RBFOX1: variants seen among roughly 807,000 people sequenced by gnomAD.
RBFOX1 encodes RNA binding fox-1 homolog 1.
A neutral mutation model predicts 57.7 loss-of-function variants in RBFOX1; 8 were observed. That is an observed-to-expected ratio of 0.14 (90% CI 0.08 to 0.25). The LOEUF (loss-of-function observed/expected upper bound fraction) is 0.25, where lower values mean the gene tolerates loss of function less well. Ranked by LOEUF, RBFOX1 falls within the 10% of genes least tolerant of loss-of-function variation. The pLI is 1.00. For missense variants in RBFOX1, 611 were observed against 548.5 expected, an observed-to-expected ratio of 1.11 and a Z score of -1.14; for synonymous variants, 326 against 222.4, an observed-to-expected ratio of 1.47 and a Z score of -4.15.
chr16:6,220,721 C>G lies in RBFOX1; in HGVS notation c.-126-96274C>G, dbSNP rs1009306673. Among the ~76,000 whole-genome samples the G allele has an allele frequency of 3.2e-4, 4 of 12,378 alleles. 1 individual carries two copies. In the South Asian group the frequency reaches 0.17, roughly 516 times the overall value. 8.1% of individuals were successfully genotyped at this position (12,378 alleles called of 152,430 possible). A position where few individuals can be genotyped will look rare whatever the true frequency, so the allele number is the denominator to read the frequency against. On this transcript the variant is annotated intron_variant, in intron 1 of 15. Transcript: ENST00000550418. Reference sequence around the variant, plus strand: ...AAAGTAAGATAATGCTATGACTAACCGCCCCCCCCCAGTGGAAAATAATGA... The same window carrying G: ...AAAGTAAGATAATGCTATGACTAACGGCCCCCCCCCAGTGGAAAATAATGA...
chr16:5,431,107 T>C (rs1342290865), intron 1 of RBFOX1, among the ~76,000 whole-genome samples: 1 of 152,196 alleles, frequency 6.6e-6, no homozygotes, highest in African/African-American at 2.4e-5. Context: ...TGTGAGTTTA[T>C]AGGAACGTGT....
At chr16:5,827,121 G>C (rs2056086471) in intron 3 of RBFOX1, among the ~76,000 whole-genome samples, 1 of 152,078 alleles carries the variant, frequency 6.6e-6, no homozygotes, top group African/African-American at 2.4e-5. Flanking sequence ...CATTGAACAG[G>C]CCAGGCACTG....
At chr16:6,038,184 T>TG (rs1247158289) in intron 1 of RBFOX1, 1 of 81,416 alleles carries the variant, frequency 1.2e-5, no homozygotes, top group Non-Finnish European at 2.5e-5. Context: ...ATTTTATTAG[T>TG]TTTTTTTTTT....
chr16:5,254,784 G>A (rs187515377), intron 1 of RBFOX1, among the ~76,000 whole-genome samples: 1 of 152,336 alleles, frequency 6.6e-6, no homozygotes, highest in African/African-American at 2.4e-5. Context: ...CCAGTGGGCA[G>A]GCAGTCATTA....
intron 3 of RBFOX1, among the ~76,000 whole-genome samples, chr16:5,673,128 G>T (rs2050063496): frequency 6.6e-6 from 1 of 152,078 alleles, no homozygotes; most frequent in Admixed American, 6.6e-5. Context: ...GCATTTTCCT[G>T]CTGACACACA....
intron 4 of RBFOX1, among the ~76,000 whole-genome samples, chr16:7,273,553 C>G (rs902479336): frequency 6.6e-6 from 1 of 152,086 alleles, no homozygotes; most frequent in Non-Finnish European, 1.5e-5. Context: ...GTGGGTTAAC[C>G]TCTTTGTGCC....
exon 2 of RBFOX1, chr16:5,467,221 A>G: frequency 3.4e-6 from 5 of 1,491,360 alleles, no homozygotes; most frequent in Non-Finnish European, 4.5e-6. Context: ...TGCAGGATCT[A>G]CTGTGCCTGC....
chr16:6,789,778 C>T (rs562222253), intron 3 of RBFOX1, among the ~76,000 whole-genome samples: 32 of 151,790 alleles, frequency 2.1e-4, no homozygotes, highest in Non-Finnish European at 3.7e-4. Context: ...AAAAAATCTT[C>T]TGTTTGAATG....
chr16:5,810,372 G>A (rs1274119363), intron 3 of RBFOX1, among the ~76,000 whole-genome samples: 1 of 152,138 alleles, frequency 6.6e-6, no homozygotes, highest in Non-Finnish European at 1.5e-5. Context: ...AACAGCCAAG[G>A]AGAGAGGCCT....
At chr16:7,288,742 G>A (rs899157979) in intron 4 of RBFOX1, among the ~76,000 whole-genome samples, 2 of 152,248 alleles carry the variant, frequency 1.3e-5, no homozygotes. Flanking sequence ...ATTGGAGGCT[G>A]AGGCAGGAGA....
chr16:5,344,300 C>G (rs1369453755), intron 1 of RBFOX1, among the ~76,000 whole-genome samples: 1 of 152,150 alleles, frequency 6.6e-6, no homozygotes, highest in Non-Finnish European at 1.5e-5. Context: ...AGTCCTTTGC[C>G]CAGCTCCCTC....
intron 3 of RBFOX1, among the ~76,000 whole-genome samples, chr16:6,942,077 A>G (rs1232252715): frequency 2.0e-5 from 3 of 152,116 alleles, no homozygotes; most frequent in Non-Finnish European, 4.4e-5. Context: ...AAAAATAATA[A>G]TAATAATAAA....
At chr16:6,903,181 C>G (rs755856653) in intron 3 of RBFOX1, among the ~76,000 whole-genome samples, 13 of 152,266 alleles carry the variant, frequency 8.5e-5, no homozygotes, top group Middle Eastern at 3.4e-3. Context: ...GATGGCAGGA[C>G]AGCCATATAC....
intron 2 of RBFOX1, among the ~76,000 whole-genome samples, chr16:5,526,624 A>G (rs901448066): frequency 6.6e-6 from 1 of 152,068 alleles, no homozygotes; most frequent in Non-Finnish European, 1.5e-5. Flanking sequence ...GAGGCTAGGT[A>G]ATTTTCCCAA....
chr16:6,247,060 A>G (rs1331347075), intron 1 of RBFOX1, among the ~76,000 whole-genome samples: 2 of 152,148 alleles, frequency 1.3e-5, no homozygotes, highest in Non-Finnish European at 2.9e-5. Context: ...ACAAGAGTGG[A>G]ACTCCATCTC....
rs150209328 is a variant in RBFOX1 at position 6,484,515 on chromosome 16, C to T, written c.-64+167458C>T. Among the ~76,000 whole-genome samples, 45 of 152,122 alleles carry T rather than the reference C, an allele frequency of 3.0e-4. 1 individual carries two copies. The East Asian group carries it at 8.5e-3, about 29-fold the overall frequency. ...GATCAAATGGGAGAAATGTGCCTTG[C>T]CTTCTCAAGTGATGGAATGAACTGT... On this transcript the variant is annotated intron_variant, in intron 2 of 15. Coordinates refer to ENST00000550418, the MANE Select transcript of RBFOX1 (RefSeq NM_018723.4).
chr16:6,171,694 T>C (rs940563505), intron 1 of RBFOX1, among the ~76,000 whole-genome samples: 2 of 152,220 alleles, frequency 1.3e-5, no homozygotes, highest in African/African-American at 4.8e-5. Flanking sequence ...GTGGACATCC[T>C]GAAAAAGAAA....
chr16:7,331,563 A>G lies in RBFOX1; in HGVS notation c.28-186584A>G, dbSNP rs75857370. Among the ~76,000 whole-genome samples the G allele has an allele frequency of 3.0e-3, 454 of 152,308 alleles. 4 individuals are homozygous for G. The highest frequency in any genetic ancestry group is 0.01 in the African/African-American group (431 of 41,576). On this transcript the variant is annotated intron_variant, in intron 4 of 15. Coordinates refer to ENST00000550418, the MANE Select transcript of RBFOX1 (RefSeq NM_018723.4). ...TGAAACCAAAGATGTGTCTGTACCA[A>G]TCATCAGGAAAACAGGGAATACATG...
At chr16:7,147,374 A>T (rs2075232638) in intron 4 of RBFOX1, among the ~76,000 whole-genome samples, 1 of 149,326 alleles carries the variant, frequency 6.7e-6, no homozygotes, top group Non-Finnish European at 1.5e-5. Context: ...TTACACAGGT[A>T]AACTGCATGT....
Sources: allele counts gnomAD v4.1 joint callset (sites outside exome capture counted in the v4.1 genomes callset), GRCh38; gene constraint gnomAD v4.1.1; transcripts MANE v1.5; gene names NCBI Gene and HGNC (gene_info 2026-07-23, HGNC 2026-07-21).